The following TRPS1 variants were observed in gnomAD, a reference collection of about 807,000 sequenced individuals.
TRPS1 encodes the protein transcriptional repressor GATA binding 1, also known as zinc finger transcription factor Trps1.
TRPS1 carries 6 observed loss-of-function variants against 101.2 expected under a neutral mutation model. The ratio of observed to expected loss-of-function variants is 0.06; its 90% CI spans 0.03 to 0.12. The LOEUF (loss-of-function observed/expected upper bound fraction) is 0.12. TRPS1 is among the 10% of genes least tolerant of loss of function. The pLI, the probability that TRPS1 is intolerant of heterozygous loss-of-function variation, is 1.00. For synonymous variants in TRPS1, 578 were observed against 589.8 expected (o/e 0.98, Z 0.29); for missense variants, 1,363 against 1,567.0 (o/e 0.87, Z 2.20).
At chr8:115,538,133 A>T (rs1006575467) in intron 5 of TRPS1, among the ~76,000 whole-genome samples, 19 of 152,228 alleles carry the variant, frequency 1.2e-4, no homozygotes, top group Non-Finnish European at 2.1e-4. Flanking sequence ...TAAACTTTTC[A>T]TCGTGTGCAT....
Position 115,414,697 on chromosome 8 carries a change from C to A in TRPS1, c.3211G>T (p.Gly1071Trp). The A allele has an allele frequency of 1.2e-6, 2 of 1,614,052 alleles. No individual in the cohort carries two copies. Among genetic ancestry groups the A allele is most frequent in the Non-Finnish European group, 1.7e-6 (2 of 1,179,946 alleles). The change falls in exon 7 of 7, where the codon GGG becomes TGG. Residue 1071 changes from glycine to tryptophan, a missense_variant. This residue lies in a region of TRPS1 where 307 missense variants were observed against 392.4 expected (regional missense o/e 0.78). Coordinates refer to ENST00000395715, the MANE Select transcript of TRPS1 (RefSeq NM_014112.5). The surrounding 1 kb of genome is among the most constrained non-coding windows in gnomAD (Gnocchi z 4.8). Reference protein sequence around the residue: ...DPGNSSSVSEGKGSSERGSPI... With the variant: ...DPGNSSSVSEWKGSSERGSPI... ...CTGCCTCTCTCAGAACTTCCTTTCC[C>A]TTCAGATACGGATGAACTATTTCCT...
chr8:115,467,786 C>T (rs1264731001), intron 5 of TRPS1, among the ~76,000 whole-genome samples: 2 of 152,208 alleles, frequency 1.3e-5, no homozygotes, highest in African/African-American at 4.8e-5. Context: ...TAACCCCACA[C>T]TTCTAGTACA....
intron 4 of TRPS1, among the ~76,000 whole-genome samples, chr8:115,593,007 G>A (rs890378777): frequency 2.0e-5 from 3 of 150,938 alleles, no homozygotes; most frequent in African/African-American, 7.3e-5. Context: ...TTTAAGAAAC[G>A]AGGTCTCACT....
intron 4 of TRPS1, among the ~76,000 whole-genome samples, chr8:115,593,241 AT>A (rs1256225743): frequency 1.3e-5 from 2 of 152,184 alleles, no homozygotes; most frequent in African/African-American, 4.8e-5. Context: ...AATAATCCCA[AT>A]TCATTTTTTC....
At chr8:115,461,527 A>C (rs976069404) in intron 5 of TRPS1, among the ~76,000 whole-genome samples, 2 of 152,176 alleles carry the variant, frequency 1.3e-5, no homozygotes, top group Non-Finnish European at 2.9e-5. Context: ...ATGTGTCCCC[A>C]GCAACAACTA....
At chr8:115,516,430 T>C (rs1228779584) in intron 5 of TRPS1, among the ~76,000 whole-genome samples, 1 of 151,592 alleles carries the variant, frequency 6.6e-6, no homozygotes, top group African/African-American at 2.4e-5. Flanking sequence ...ATTGATATGC[T>C]TTATGAAAAT....
chr8:115,556,442 C>T (rs529641206), intron 5 of TRPS1, among the ~76,000 whole-genome samples: 5 of 152,198 alleles, frequency 3.3e-5, no homozygotes, highest in East Asian at 3.9e-4. Context: ...TTAAATCTCT[C>T]GGAGTCAACT....
intron 1 of TRPS1, among the ~76,000 whole-genome samples, chr8:115,651,494 AG>A (rs1563670936): frequency 6.6e-6 from 1 of 152,208 alleles, no homozygotes; most frequent in Admixed American, 6.5e-5. Flanking sequence ...TGCCAGCCAA[AG>A]TGTTCTTCCC....
At chr8:115,477,061 T>A (rs1167889859) in intron 5 of TRPS1, among the ~76,000 whole-genome samples, 2 of 152,148 alleles carry the variant, frequency 1.3e-5, no homozygotes, top group South Asian at 2.1e-4. Flanking sequence ...TGGCACAGTA[T>A]CCTCTTCATC....
chr8:115,569,407 T>TCCA (rs1373838421), intron 5 of TRPS1, among the ~76,000 whole-genome samples: 7 of 152,104 alleles, frequency 4.6e-5, no homozygotes, highest in Non-Finnish European at 2.9e-5. Context: ...GGAAAAGAGC[T>TCCA]CCATGCCTTT....
intron 6 of TRPS1, among the ~76,000 whole-genome samples, chr8:115,416,883 A>G (rs1812935217): frequency 6.6e-6 from 1 of 152,164 alleles, no homozygotes; most frequent in Non-Finnish European, 1.5e-5. Context: ...AAACATATGC[A>G]TTATTTAATC....
intron 4 of TRPS1, among the ~76,000 whole-genome samples, chr8:115,587,825 A>G (rs1817601135): frequency 9.9e-6 from 1 of 100,812 alleles, no homozygotes; most frequent in African/African-American, 4.7e-5. Context: ...AGTAATAGGT[A>G]TAACACAGAC....
At chr8:115,668,092 TG>T in intron 1 of TRPS1, 1 of 615,994 alleles carries the variant, frequency 1.6e-6, no homozygotes, top group Non-Finnish European at 2.8e-6. Context: ...TTTTGGCAAA[TG>T]GGGATTTGTT....
intron 1 of TRPS1, among the ~76,000 whole-genome samples, chr8:115,642,336 T>C (rs1818920757): frequency 6.6e-6 from 1 of 150,782 alleles, no homozygotes; most frequent in African/African-American, 2.5e-5. Context: ...AACACACAGA[T>C]GGACCTACTG....
At chr8:115,563,217 G>A (rs936708912) in intron 5 of TRPS1, among the ~76,000 whole-genome samples, 3 of 151,936 alleles carry the variant, frequency 2.0e-5, no homozygotes, top group Admixed American at 1.3e-4. Flanking sequence ...TAAGGCTTTC[G>A]GAAGTGGCGG....
chr8:115,439,481 T>G (rs560829704), intron 5 of TRPS1, among the ~76,000 whole-genome samples: 1 of 152,358 alleles, frequency 6.6e-6, no homozygotes, highest in South Asian at 2.1e-4. Context: ...CTATGTAATG[T>G]TCTTCAGGTT....
intron 5 of TRPS1, among the ~76,000 whole-genome samples, chr8:115,496,808 C>T (rs1263132545): frequency 1.3e-5 from 2 of 152,098 alleles, no homozygotes; most frequent in African/African-American, 4.8e-5. Flanking sequence ...ATATTTATTA[C>T]AACAGTTAGC....
intron 4 of TRPS1, among the ~76,000 whole-genome samples, chr8:115,602,783 CATA>C (rs1316183271): frequency 2.6e-5 from 4 of 152,094 alleles, no homozygotes; most frequent in Non-Finnish European, 5.9e-5. Context: ...TGCTGAAAGG[CATA>C]ATAATGAGAA....
chr8:115,492,228 A>G (rs762584997), intron 5 of TRPS1: 4 of 456,112 alleles, frequency 8.8e-6, no homozygotes, highest in Non-Finnish European at 8.8e-6. Context: ...CTTGGTTGGA[A>G]GCTTTGCTAA....
Sources: allele counts gnomAD v4.1 joint callset (sites outside exome capture counted in the v4.1 genomes callset), GRCh38; gene constraint gnomAD v4.1.1; regional missense constraint gnomAD v4.1.1; non-coding constraint Gnocchi (gnomAD v3.1); transcripts MANE v1.5; gene names NCBI Gene and HGNC (gene_info 2026-07-23, HGNC 2026-07-21).